The following FERRY3 variants were observed in gnomAD, a reference collection of about 807,000 sequenced individuals.
FERRY3 encodes FERRY endosomal RAB5 effector complex subunit 3.
At chr12:4,517,269 G>A in the FERRY3 span, 1 of 1,280,938 alleles carries the variant, frequency 7.8e-7, no homozygotes, top group Non-Finnish European at 1.0e-6. Flanking sequence ...AGATTTAGTA[G>A]AAAAAGAAAA....
At chr12:4,521,648 C>T in the FERRY3 span, among the ~76,000 whole-genome samples, 3 of 152,136 alleles carry the variant, frequency 2.0e-5, no homozygotes, top group African/African-American at 7.2e-5. Flanking sequence ...ACTCATTTTA[C>T]AATGCCCCCA....
chr12:4,501,826 C>T, the FERRY3 span, among the ~76,000 whole-genome samples: 17 of 152,200 alleles, frequency 1.1e-4, no homozygotes, highest in African/African-American at 1.9e-4. Flanking sequence ...CCCCAACCCC[C>T]GGTCTGTGGA....
At chr12:4,525,604 T>C in the FERRY3 span, 6 of 1,527,162 alleles carry the variant, frequency 3.9e-6, no homozygotes, top group African/African-American at 1.4e-5. Flanking sequence ...AATAAACAAA[T>C]CAGGGATATT....
At chr12:4,525,239 A>T in the FERRY3 span, 3 of 1,611,790 alleles carry the variant, frequency 1.9e-6, no homozygotes, top group Non-Finnish European at 2.5e-6. Flanking sequence ...AATAAGAACA[A>T]TACATAGTTA....
At chr12:4,536,111 C>G in the FERRY3 span, 13 of 1,608,892 alleles carry the variant, frequency 8.1e-6, no homozygotes, top group Non-Finnish European at 1.0e-5. Flanking sequence ...GTGGCACTCT[C>G]AGTTCTAAGC....
the FERRY3 span, among the ~76,000 whole-genome samples, chr12:4,490,775 C>A: frequency 1.3e-5 from 2 of 152,122 alleles, no homozygotes; most frequent in Non-Finnish European, 2.9e-5. Context: ...ATTCTTCATG[C>A]CAGAGAGGTT....
the FERRY3 span, among the ~76,000 whole-genome samples, chr12:4,496,059 C>G: frequency 6.6e-6 from 1 of 152,212 alleles, no homozygotes; most frequent in Non-Finnish European, 1.5e-5. Flanking sequence ...CCTGTATATG[C>G]ATGTGCACGC....
At chr12:4,525,391 T>C in the FERRY3 span, 2 of 1,606,504 alleles carry the variant, frequency 1.2e-6, no homozygotes, top group Non-Finnish European at 1.7e-6. Flanking sequence ...AGAAACAGTA[T>C]ACCAACTGGT....
At chr12:4,506,401 A>G in the FERRY3 span, among the ~76,000 whole-genome samples, 1 of 152,224 alleles carries the variant, frequency 6.6e-6, no homozygotes, top group African/African-American at 2.4e-5. Context: ...AAATTGATTT[A>G]TAACACTGTA....
the FERRY3 span, among the ~76,000 whole-genome samples, chr12:4,517,710 C>CAG: frequency 0.032 from 4,228 of 132,216 alleles, 90 homozygotes; most frequent in Middle Eastern, 0.072. Flanking sequence ...TATATATAGA[C>CAG]AGAGAGAGAG....
the FERRY3 span, among the ~76,000 whole-genome samples, chr12:4,521,769 T>C: frequency 6.6e-6 from 1 of 152,316 alleles, no homozygotes; most frequent in Admixed American, 6.5e-5. Context: ...ATATGTCATA[T>C]ACATATATCT....
the FERRY3 span, chr12:4,490,484 G>T: frequency 6.1e-6 from 9 of 1,476,598 alleles, no homozygotes; most frequent in South Asian, 1.1e-4. Context: ...TCTAATAAAA[G>T]AGATTAAATT....
chr12:4,525,665 T>C, the FERRY3 span: 6 of 997,482 alleles, frequency 6.0e-6, no homozygotes, highest in African/African-American at 3.3e-5. Context: ...ACAATCTCTA[T>C]AAAGTGAAAA....
At chr12:4,501,049 T>C in the FERRY3 span, among the ~76,000 whole-genome samples, 1 of 152,208 alleles carries the variant, frequency 6.6e-6, no homozygotes, top group Non-Finnish European at 1.5e-5. Flanking sequence ...TCTGTCCAGT[T>C]AGTTGCCCAG....
At chr12:4,526,503 A>T in the FERRY3 span, among the ~76,000 whole-genome samples, 1 of 152,234 alleles carries the variant, frequency 6.6e-6, no homozygotes, top group African/African-American at 2.4e-5. Context: ...GATATAAACT[A>T]AGAGGATTTT....
the FERRY3 span, chr12:4,525,174 A>C: frequency 6.7e-7 from 1 of 1,497,132 alleles, no homozygotes; most frequent in Non-Finnish European, 9.0e-7. Context: ...ACATACAGCT[A>C]AAAGGTTTAA....
chr12:4,490,617 A>G, the FERRY3 span: 19 of 1,582,234 alleles, frequency 1.2e-5, no homozygotes, highest in Non-Finnish European at 1.6e-5. Flanking sequence ...ATGTTGCTGC[A>G]TGACAAGTTC....
chr12:4,493,343 A>G, the FERRY3 span, among the ~76,000 whole-genome samples: 1 of 152,226 alleles, frequency 6.6e-6, no homozygotes, highest in African/African-American at 2.4e-5. Flanking sequence ...AATGCCTTCT[A>G]TAATACTGAG....
At chr12:4,495,284 A>C in the FERRY3 span, among the ~76,000 whole-genome samples, 2 of 152,194 alleles carry the variant, frequency 1.3e-5, no homozygotes, top group Non-Finnish European at 2.9e-5. Context: ...GTATCATCTT[A>C]AAATATTACT....
Sources: allele counts gnomAD v4.1 joint callset (sites outside exome capture counted in the v4.1 genomes callset), GRCh38; gene constraint gnomAD v4.1.1; transcripts MANE v1.5; gene names NCBI Gene and HGNC (gene_info 2026-07-23, HGNC 2026-07-21).